TEX9: variants seen among roughly 807,000 people sequenced by gnomAD.
TEX9 encodes testis-expressed protein 9.
A neutral mutation model predicts 59.6 loss-of-function variants in TEX9; 74 were observed. That is an observed-to-expected ratio of 1.24 (90% confidence interval 1.03 to 1.51). TEX9 has a LOEUF of 1.51. TEX9 is among the 40% of genes most tolerant of loss of function. The pLI, the probability that TEX9 is intolerant of heterozygous loss-of-function variation, is 0.00. For missense variants in TEX9, 522 were observed against 447.8 expected (o/e 1.17, Z -1.49); for synonymous variants, 186 against 152.2 (o/e 1.22, Z -1.64).
chr15:56,323,704 AGGAGGAGG>A (rs2045952949), intron 1 of TEX9: 1 of 134,526 alleles, frequency 7.4e-6, no homozygotes, highest in Non-Finnish European at 1.6e-5. Context: ...AGGAAGAAGG[AGGAGGAGG>A]AGAAGGAGGA....
At chr15:56,244,313 A>G (rs888663926) in intron 1 of TEX9, 2 of 152,300 alleles carry the variant, frequency 1.3e-5, no homozygotes, top group Non-Finnish European at 2.9e-5. Context: ...GAAGCCCCCA[A>G]AGAAGAACAC....
intron 1 of TEX9, among the ~76,000 whole-genome samples, chr15:56,308,376 T>C (rs1330281596): frequency 1.3e-5 from 2 of 152,214 alleles, no homozygotes; most frequent in Non-Finnish European, 2.9e-5. Context: ...TAGAGAAATG[T>C]CTATTCCAAT....
chr15:56,444,550 GT>G (rs1567151471), intron 12 of TEX9: 1 of 1,611,546 alleles, frequency 6.2e-7, no homozygotes, highest in Admixed American at 1.7e-5. Flanking sequence ...TCTTCAAGTT[GT>G]TTCTCTAAGT....
At chr15:56,460,009 A>AAAAAAAAAATATATAT in the TEX9 span, among the ~76,000 whole-genome samples, 27 of 26,380 alleles carry the variant, frequency 1.0e-3, 4 homozygotes, top group East Asian at 9.1e-3. Flanking sequence ...AAAAAAAAAA[A>AAAAAAAAAATATATAT]ATACATATAT....
chr15:56,431,639 A>T (rs1452650653), intron 12 of TEX9: 1 of 586,766 alleles, frequency 1.7e-6, no homozygotes, highest in East Asian at 3.8e-5. Context: ...TAGATAATAT[A>T]TATTTTTAAA....
chr15:56,285,990 C>A (rs2044944649), intron 1 of TEX9, among the ~76,000 whole-genome samples: 1 of 152,028 alleles, frequency 6.6e-6, no homozygotes, highest in Non-Finnish European at 1.5e-5. Flanking sequence ...GCAAGATAGG[C>A]CATTGGATTT....
intron 1 of TEX9, among the ~76,000 whole-genome samples, chr15:56,282,947 A>G (rs1426715099): frequency 4.6e-5 from 7 of 152,144 alleles, no homozygotes; most frequent in Non-Finnish European, 8.8e-5. Flanking sequence ...AAAGTGAGGT[A>G]AAAAATAAAT....
At chr15:56,393,451 G>T (rs1265408817) in intron 7 of TEX9, among the ~76,000 whole-genome samples, 1 of 152,206 alleles carries the variant, frequency 6.6e-6, no homozygotes, top group Admixed American at 6.5e-5. Context: ...TCTCAGAGCA[G>T]TTCCAAGTGT....
chr15:56,263,563 C>A (rs1436387847), intron 1 of TEX9, among the ~76,000 whole-genome samples: 1 of 152,018 alleles, frequency 6.6e-6, no homozygotes, highest in Non-Finnish European at 1.5e-5. Context: ...TATTGAGGTA[C>A]AACTTCCATA....
At chr15:56,339,402 A>AAAC (rs2046327824) in intron 1 of TEX9, among the ~76,000 whole-genome samples, 1 of 79,480 alleles carries the variant, frequency 1.3e-5, no homozygotes, top group Non-Finnish European at 3.7e-5. Flanking sequence ...AAAAAAAAAA[A>AAAC]AAAAAAAAAA....
At chr15:56,379,571 A>G (rs2047628077) in intron 3 of TEX9, among the ~76,000 whole-genome samples, 1 of 152,224 alleles carries the variant, frequency 6.6e-6, no homozygotes, top group Non-Finnish European at 1.5e-5. Flanking sequence ...CTTGTTCTGC[A>G]GTGCAGATTA....
intron 2 of TEX9, 102 bp downstream of exon 2, chr15:56,365,772 C>T: frequency 1.3e-6 from 2 of 1,520,480 alleles, no homozygotes; most frequent in Non-Finnish European, 1.8e-6. Flanking sequence ...CGGGACCACT[C>T]ACTCTGCAGC....
chr15:56,257,678 T>C (rs1393079896), intron 1 of TEX9, among the ~76,000 whole-genome samples: 2 of 152,166 alleles, frequency 1.3e-5, no homozygotes, highest in African/African-American at 2.4e-5. Context: ...TCCTTGTAGA[T>C]GTTGGATATT....
chr15:56,449,607 C>T (rs1438168541), downstream of TEX9, among the ~76,000 whole-genome samples: 7 of 152,110 alleles, frequency 4.6e-5, no homozygotes, highest in Non-Finnish European at 1.0e-4. Context: ...TTGGGAAGGG[C>T]TTCCTCTTTT....
intron 12 of TEX9, among the ~76,000 whole-genome samples, chr15:56,440,794 A>G (rs545828378): frequency 6.6e-6 from 1 of 152,188 alleles, no homozygotes; most frequent in African/African-American, 2.4e-5. Flanking sequence ...AGGTTTATCC[A>G]TGTTTTAGCA....
At chr15:56,279,910 A>G (rs1464029526) in intron 1 of TEX9, among the ~76,000 whole-genome samples, 1 of 152,230 alleles carries the variant, frequency 6.6e-6, no homozygotes, top group Non-Finnish European at 1.5e-5. Context: ...CAACTGTACA[A>G]TGGTTTGAAA....
chr15:56,315,001 T>C (rs2045718696), intron 1 of TEX9, among the ~76,000 whole-genome samples: 1 of 151,268 alleles, frequency 6.6e-6, no homozygotes, highest in Non-Finnish European at 1.5e-5. Flanking sequence ...TCCATTTGCT[T>C]GGTAGATCTT....
At chr15:56,424,332 T>G (rs752840294) in intron 10 of TEX9, among the ~76,000 whole-genome samples, 3 of 152,202 alleles carry the variant, frequency 2.0e-5, no homozygotes, top group Non-Finnish European at 4.4e-5. Context: ...TTACAAAATT[T>G]CAGATTATCT....
chr15:56,292,693 C>G (rs1260824034), intron 1 of TEX9, among the ~76,000 whole-genome samples: 2 of 152,136 alleles, frequency 1.3e-5, no homozygotes, highest in Non-Finnish European at 2.9e-5. Flanking sequence ...GGAAAAATGC[C>G]TTGGGCCACT....
Sources: allele counts gnomAD v4.1 joint callset (sites outside exome capture counted in the v4.1 genomes callset), GRCh38; gene constraint gnomAD v4.1.1; transcripts MANE v1.5; gene names NCBI Gene and HGNC (gene_info 2026-07-23, HGNC 2026-07-21).